Variants in RAD51B observed in about 807,000 individuals in gnomAD.
The protein encoded by RAD51B is DNA repair protein RAD51 homolog 2.
In RAD51B, 38 loss-of-function variants were observed where a neutral mutation model predicts 42.2. That is an observed-to-expected ratio of 0.90 (90% CI 0.70 to 1.18). The LOEUF (loss-of-function observed/expected upper bound fraction) is 1.18, where lower values mean the gene tolerates loss of function less well. Ranked by LOEUF, RAD51B falls within the 50% of genes most tolerant of loss-of-function variation. The pLI, the probability that RAD51B is intolerant of heterozygous loss-of-function variation, is 0.00. For missense variants in RAD51B, 373 were observed against 400.7 expected (o/e 0.93, Z 0.59); for synonymous variants, 154 against 145.2 (o/e 1.06, Z -0.43).
rs73285804 is a variant in RAD51B at position 68,622,965 on chromosome 14, A to G, written c.1037-27816A>G. Among the ~76,000 whole-genome samples the G allele has an allele frequency of 8.9e-3, 1,359 of 152,272 alleles. 25 individuals carry two copies. Among genetic ancestry groups the G allele is most frequent in the African/African-American group, 0.031 (1,290 of 41,534 alleles). On this transcript the variant is annotated intron_variant, in intron 10 of 11. Coordinates refer to the RAD51B transcript ENST00000488612. ...CAAAGTGAGGAAGGCAGGCCCCTTG[A>G]CAGGTGACTGGATTCAGATCTGAAA...
intron 7 of RAD51B, among the ~76,000 whole-genome samples, chr14:68,084,179 T>C (rs949624908): frequency 2.0e-5 from 3 of 152,248 alleles, no homozygotes; most frequent in African/African-American, 7.2e-5. Context: ...ATTTAAACTT[T>C]ATCTCTGTTT....
intron 10 of RAD51B, among the ~76,000 whole-genome samples, chr14:68,521,223 C>G (rs962553912): frequency 2.0e-5 from 3 of 152,110 alleles, no homozygotes; most frequent in Non-Finnish European, 4.4e-5. Flanking sequence ...GTCCCAGAAG[C>G]CATTTACAAA....
intron 9 of RAD51B, among the ~76,000 whole-genome samples, chr14:68,438,172 C>A (rs1391494598): frequency 3.9e-5 from 6 of 152,100 alleles, no homozygotes; most frequent in African/African-American, 1.4e-4. Flanking sequence ...TCCAAGTCTC[C>A]CTTTGGCAAG....
At chr14:68,118,082 C>T (rs912726138) in intron 7 of RAD51B, among the ~76,000 whole-genome samples, 2 of 152,168 alleles carry the variant, frequency 1.3e-5, no homozygotes, top group East Asian at 1.9e-4. Context: ...TAAAAAATAA[C>T]AATTTGCCAT....
At chr14:68,221,316 C>T (rs1229898047) in intron 7 of RAD51B, among the ~76,000 whole-genome samples, 1 of 152,150 alleles carries the variant, frequency 6.6e-6, no homozygotes, top group African/African-American at 2.4e-5. Context: ...GTCACCAAGA[C>T]AGCATGGTAC....
In RAD51B at chr14:67,939,205, C is replaced by T. The variant is rs554923184; in HGVS notation, c.756+52001C>T. ...ATTAGATAAAGGCTTTACTCTTCCCCGCCCCTGCCCCCCTCCATGTGGAAA... is the reference window on the plus strand; with the variant it reads ...ATTAGATAAAGGCTTTACTCTTCCCTGCCCCTGCCCCCCTCCATGTGGAAA... On this transcript the variant is annotated intron_variant, in intron 7 of 10. Transcript: ENST00000471583. Among the ~76,000 whole-genome samples the T allele has an allele frequency of 5.9e-4, 89 of 152,132 alleles. 3 individuals are homozygous for T. In the South Asian group the frequency reaches 0.017, roughly 30 times the overall value.
chr14:67,919,174 C>T (rs1182349114), intron 7 of RAD51B, among the ~76,000 whole-genome samples: 1 of 152,148 alleles, frequency 6.6e-6, no homozygotes, highest in Non-Finnish European at 1.5e-5. Flanking sequence ...AATAAACTGT[C>T]CCTAACTTAA....
chr14:68,048,343 C>A (rs2076336357), intron 7 of RAD51B, among the ~76,000 whole-genome samples: 1 of 151,994 alleles, frequency 6.6e-6, no homozygotes, highest in Non-Finnish European at 1.5e-5. Context: ...GGATATTAGC[C>A]CTTTGTCAGA....
chr14:68,086,100 C>G (rs766934439), intron 7 of RAD51B, among the ~76,000 whole-genome samples: 1 of 152,184 alleles, frequency 6.6e-6, no homozygotes, highest in African/African-American at 2.4e-5. Context: ...TTGAATCACT[C>G]GTGGGCTTGG....
At chr14:68,662,586 C>G (rs1056784470) in intron 11 of RAD51B, among the ~76,000 whole-genome samples, 1 of 152,226 alleles carries the variant, frequency 6.6e-6, no homozygotes, top group Admixed American at 6.5e-5. Context: ...GACACTGTCT[C>G]CAGCCCTCCT....
Position 68,111,237 on chromosome 14 carries a change from A to G in RAD51B, c.757-180647A>G, listed in dbSNP as rs34406515. The stretch of plus-strand genomic sequence containing the variant: ...TAAATTCTTTTATTGTCGCCAGGAA[A>G]CTAGAGAAAATGAATTCTTCACAGT... On this transcript the variant is annotated intron_variant, in intron 7 of 10. Transcript: ENST00000471583. Among the ~76,000 whole-genome samples the G allele has an allele frequency of 1.8e-3, 276 of 152,176 alleles. 1 individual carries two copies. Among genetic ancestry groups the G allele is most frequent in the Admixed American group, 5.4e-3 (83 of 15,258 alleles).
chr14:68,454,503 A>G (rs1016855708), intron 9 of RAD51B, among the ~76,000 whole-genome samples: 2 of 152,220 alleles, frequency 1.3e-5, no homozygotes, highest in Admixed American at 6.5e-5. Context: ...TTCTCCTTTC[A>G]TCAGTGCTAC....
At chr14:68,097,217 C>T (rs1229223803) in intron 7 of RAD51B, among the ~76,000 whole-genome samples, 1 of 151,710 alleles carries the variant, frequency 6.6e-6, no homozygotes, top group Admixed American at 6.6e-5. Flanking sequence ...TTCTTAAGTT[C>T]ATATTTTTTA....
chr14:68,448,201 C>T (rs980785170), intron 9 of RAD51B, among the ~76,000 whole-genome samples: 11 of 152,086 alleles, frequency 7.2e-5, no homozygotes, highest in African/African-American at 1.4e-4. Flanking sequence ...GGAGAGCTTA[C>T]GGGTTATATA....
At chr14:68,041,897 T>C (rs909689341) in intron 7 of RAD51B, among the ~76,000 whole-genome samples, 3 of 152,186 alleles carry the variant, frequency 2.0e-5, no homozygotes, top group Admixed American at 1.3e-4. Context: ...ACTTTTGCTG[T>C]TGTTGCTCGT....
rs1888326428 is a variant in RAD51B, at chr14:68,548,056, G to A, written c.1037-46429G>A. ...TTGGAGGCCTCAGTGGGTTCCTCCT[G>A]GAGAGTTTAAGGGGAGGGAGGCAGA... On this transcript the variant is annotated intron_variant, in intron 10 of 10. Coordinates refer to the RAD51B transcript ENST00000487270. Among the ~76,000 whole-genome samples the A allele has an allele frequency of 3.3e-5, 5 of 152,210 alleles. No individual in the cohort carries two copies. The South Asian group carries it at 1.0e-3, about 32-fold the overall frequency.
intron 5 of RAD51B, among the ~76,000 whole-genome samples, chr14:67,870,889 G>A (rs2042505812): frequency 7.6e-6 from 1 of 132,408 alleles, no homozygotes; most frequent in Non-Finnish European, 1.6e-5. Flanking sequence ...TGAAACCAAC[G>A]AGAACAAAGA....
At chr14:68,606,309 C>T (rs1270687163) in intron 10 of RAD51B, among the ~76,000 whole-genome samples, 3 of 152,034 alleles carry the variant, frequency 2.0e-5, no homozygotes, top group Non-Finnish European at 4.4e-5. Context: ...GGTTCCCTGG[C>T]AACACTTCCC....
intron 7 of RAD51B, among the ~76,000 whole-genome samples, chr14:68,196,813 T>G (rs2079382494): frequency 6.6e-6 from 1 of 152,242 alleles, no homozygotes; most frequent in South Asian, 2.1e-4. Context: ...GTATGAACTT[T>G]GGATCAAATG....
Sources: gnomAD v4.1 joint callset for allele counts (sites outside exome capture counted in the v4.1 genomes callset) on GRCh38, gnomAD v4.1.1 for gene constraint, MANE v1.5 for transcripts, NCBI Gene and HGNC (gene_info 2026-07-23, HGNC 2026-07-21) for gene names.